MCC: variants seen among roughly 807,000 people sequenced by gnomAD.
MCC encodes the protein MCC regulator of Wnt signaling pathway, also known as colorectal mutant cancer protein.
In MCC, 90 loss-of-function variants were observed where a neutral mutation model predicts 116.2. The ratio of observed to expected loss-of-function variants is 0.77; its 90% confidence interval spans 0.65 to 0.92. The LOEUF is 0.92. Ranked by LOEUF, MCC falls within the 40% of genes least tolerant of loss-of-function variation. MCC has a pLI of 0.00. For missense variants in MCC, 1,516 were observed against 1,312.2 expected (o/e 1.16, Z -2.40); for synonymous variants, 578 against 510.5 (o/e 1.13, Z -1.78).
At chr5:113,251,030 G>A (rs1030859765) in intron 3 of MCC, among the ~76,000 whole-genome samples, 7 of 152,132 alleles carry the variant, frequency 4.6e-5, no homozygotes, top group African/African-American at 1.4e-4. Context: ...TATCCAGAGG[G>A]GTTTCTTAAG....
intron 3 of MCC, among the ~76,000 whole-genome samples, chr5:113,302,047 T>C (rs554017668): frequency 5.9e-5 from 9 of 152,332 alleles, no homozygotes; most frequent in Middle Eastern, 3.4e-3. Flanking sequence ...TCCTCCCTCA[T>C]ACAAGTATCG....
At chr5:113,076,963 T>A (rs150699180) in intron 11 of MCC, among the ~76,000 whole-genome samples, 1 of 151,858 alleles carries the variant, frequency 6.6e-6, no homozygotes, top group African/African-American at 2.4e-5. Flanking sequence ...TGGAGGAAGA[T>A]CTACCAAGCA....
chr5:113,402,310 A>AAAC (rs1554081342), intron 1 of MCC, among the ~76,000 whole-genome samples: 4 of 144,200 alleles, frequency 2.8e-5, no homozygotes, highest in African/African-American at 5.0e-5. Context: ...AAAAAAAAAA[A>AAAC]ACACACTCAG....
chr5:113,420,475 C>G (rs376893957), intron 1 of MCC, among the ~76,000 whole-genome samples: 4 of 152,140 alleles, frequency 2.6e-5, no homozygotes, highest in Non-Finnish European at 5.9e-5. Flanking sequence ...ACACTTCATT[C>G]AAGCAGGGAT....
intron 3 of MCC, among the ~76,000 whole-genome samples, chr5:113,164,203 G>A (rs1001138402): frequency 6.6e-6 from 1 of 152,140 alleles, no homozygotes; most frequent in Non-Finnish European, 1.5e-5. Context: ...CTACAGTGCT[G>A]CCTGCAGGTG....
At chr5:113,483,879 T>A (rs1456439616) in intron 1 of MCC, among the ~76,000 whole-genome samples, 4 of 151,562 alleles carry the variant, frequency 2.6e-5, no homozygotes, top group Non-Finnish European at 4.4e-5. Context: ...AAAAACTAGA[T>A]CGCGTCCTTT....
At chr5:113,078,609 C>G (rs1243357132) in intron 11 of MCC, among the ~76,000 whole-genome samples, 2 of 152,216 alleles carry the variant, frequency 1.3e-5, no homozygotes, top group Admixed American at 6.5e-5. Context: ...CATTCAACAG[C>G]TCTTCATGCT....
chr5:113,044,788 G>A (rs1240179358), intron 16 of MCC, among the ~76,000 whole-genome samples: 3 of 152,158 alleles, frequency 2.0e-5, no homozygotes, highest in African/African-American at 7.2e-5. Flanking sequence ...TGGTCAGGCT[G>A]GTCTCAAACT....
At chr5:113,095,720 G>T (rs1561805386) in intron 8 of MCC, among the ~76,000 whole-genome samples, 2 of 151,872 alleles carry the variant, frequency 1.3e-5, no homozygotes, top group Non-Finnish European at 2.9e-5. Flanking sequence ...TGGTAGAACA[G>T]AGGTCTTGCT....
chr5:113,457,359 GC>G (rs1561582619), intron 1 of MCC, among the ~76,000 whole-genome samples: 1 of 152,232 alleles, frequency 6.6e-6, no homozygotes. Flanking sequence ...TGGATTTCTC[GC>G]CGGGCCTTAG....
At chr5:113,287,966 G>A (rs1424785318) in intron 3 of MCC, among the ~76,000 whole-genome samples, 1 of 152,224 alleles carries the variant, frequency 6.6e-6, no homozygotes, top group Non-Finnish European at 1.5e-5. Context: ...GGCCATCCCA[G>A]TTCTGATCAC....
intron 6 of MCC, among the ~76,000 whole-genome samples, chr5:113,112,688 T>C (rs2150262785): frequency 6.6e-6 from 1 of 152,318 alleles, no homozygotes; most frequent in Non-Finnish European, 1.5e-5. Flanking sequence ...AAGTTGATGA[T>C]TTCATTCATT....
At chr5:113,211,045 G>C (rs182640601) in intron 3 of MCC, among the ~76,000 whole-genome samples, 64 of 152,282 alleles carry the variant, frequency 4.2e-4, no homozygotes, top group Non-Finnish European at 4.7e-4. Flanking sequence ...CTATTAACAT[G>C]ATGCTATCAA....
rs568550401 is a variant in MCC at position 113,434,315 on chromosome 5, G to A, written c.171-49103C>T. 4.3e-6 allele frequency: 7 copies of A among 1,614,082 alleles called. No homozygotes were observed. In the East Asian group the frequency reaches 1.6e-4, roughly 36 times the overall value. ...GGGCCGCATACGCTGGTGACCCACA[G>A]AAGGTCTTGCTTAATGCCATTCGAC... On this transcript the variant is annotated intron_variant, in intron 1 of 18. Transcript: ENST00000408903. The surrounding 1 kb of genome is among the most constrained non-coding windows in gnomAD (Gnocchi z 4.2).
chr5:113,307,406 T>A (rs1042043478), intron 3 of MCC, among the ~76,000 whole-genome samples: 10 of 152,208 alleles, frequency 6.6e-5, no homozygotes, highest in African/African-American at 9.6e-5. Flanking sequence ...TCTTTTTTAA[T>A]CTATTGTAAA....
At chr5:113,153,354 G>T (rs894925514) in intron 3 of MCC, among the ~76,000 whole-genome samples, 1 of 152,154 alleles carries the variant, frequency 6.6e-6, no homozygotes, top group African/African-American at 2.4e-5. Flanking sequence ...AATGCTGCAT[G>T]CTCCCCCACA....
intron 3 of MCC, among the ~76,000 whole-genome samples, chr5:113,164,001 A>G (rs1181364228): frequency 2.0e-5 from 3 of 152,218 alleles, no homozygotes; most frequent in African/African-American, 7.2e-5. Flanking sequence ...TATTAGTATT[A>G]TACAATTTTT....
chr5:113,142,806 C>T (rs1759256873), intron 5 of MCC, among the ~76,000 whole-genome samples: 1 of 152,188 alleles, frequency 6.6e-6, no homozygotes, highest in Non-Finnish European at 1.5e-5. Flanking sequence ...GGGAGGGACA[C>T]AGTTTGCATA....
chr5:113,034,128 G>A (rs1751159180), intron 17 of MCC, among the ~76,000 whole-genome samples: 1 of 146,192 alleles, frequency 6.8e-6, no homozygotes, highest in Admixed American at 7.2e-5. Context: ...GCAAACTACT[G>A]GGCTCTAGTG....
Sources: allele counts gnomAD v4.1 joint callset (sites outside exome capture counted in the v4.1 genomes callset), GRCh38; gene constraint gnomAD v4.1.1; non-coding constraint Gnocchi (gnomAD v3.1); transcripts MANE v1.5; gene names NCBI Gene and HGNC (gene_info 2026-07-23, HGNC 2026-07-21).